Variants in NELL2 observed in about 807,000 individuals in gnomAD.
NELL2 encodes the protein neural EGFL like 2.
In NELL2, 41 loss-of-function variants were observed where a neutral mutation model predicts 109.6. The ratio of observed to expected loss-of-function variants is 0.37; its 90% CI spans 0.29 to 0.49. NELL2 has a LOEUF of 0.49. Among genes scored for constraint, NELL2 ranks in the 20% least tolerant of loss-of-function variants. The pLI is 0.98. For synonymous variants in NELL2, 355 were observed against 344.7 expected (o/e 1.03, Z -0.33); for missense variants, 900 against 1,008.3 (o/e 0.89, Z 1.45).
At chr12:44,561,999 C>T (rs144537776) in intron 15 of NELL2, among the ~76,000 whole-genome samples, 2 of 152,060 alleles carry the variant, frequency 1.3e-5, no homozygotes, top group East Asian at 3.9e-4. Flanking sequence ...AGAACAGAGG[C>T]CTCAGAAATA....
chr12:44,716,320 A>G (rs774514474), intron 9 of NELL2, among the ~76,000 whole-genome samples: 2 of 152,178 alleles, frequency 1.3e-5, no homozygotes, highest in Non-Finnish European at 2.9e-5. Flanking sequence ...TACATAATGC[A>G]TATCTCCTAG....
Position 44,665,603 on chromosome 12 carries a change from T to A in NELL2, c.1325A>T (p.Asp442Val), listed in dbSNP as rs1383791289. 1 of 1,612,170 alleles carries A rather than the reference T, an allele frequency of 6.2e-7. No individual in the cohort carries two copies. The highest frequency in any genetic ancestry group is 8.5e-7 in the Non-Finnish European group (1 of 1,178,914). The change falls in exon 13 of 20, where the codon GAT becomes GTT. Residue 442 changes from aspartate (D) to valine (V), a missense_variant. Physicochemically the swap from Asp to Val is radical, Grantham distance 152. Coordinates refer to ENST00000429094, the MANE Select transcript of NELL2 (RefSeq NM_001145108.2). ...REDNAYCEDI[D>V]ECAEGRHYCR... ...GTAATGGCGCCCTTCAGCACACTCA[T>A]CGATGTCTGTGAAGAAAAACAGGAC... is the stretch of plus-strand genomic sequence containing the variant.
intron 15 of NELL2, among the ~76,000 whole-genome samples, chr12:44,561,644 A>T (rs1943471299): frequency 6.6e-6 from 1 of 152,216 alleles, no homozygotes. Context: ...GGAGAACTAC[A>T]AACCACTGCT....
chr12:44,818,118 C>T (rs918625636), intron 2 of NELL2, among the ~76,000 whole-genome samples: 7 of 152,214 alleles, frequency 4.6e-5, no homozygotes, highest in African/African-American at 1.7e-4. Context: ...AGTTTCTCTC[C>T]AGGCTCTATT....
intron 12 of NELL2, among the ~76,000 whole-genome samples, chr12:44,698,044 G>A (rs1313396080): frequency 5.3e-5 from 8 of 152,252 alleles, no homozygotes; most frequent in Non-Finnish European, 1.5e-5. Flanking sequence ...ATGTTCACCT[G>A]ATAACTTCAT....
chr12:44,566,973 G>A (rs1174021117), intron 15 of NELL2, among the ~76,000 whole-genome samples: 1 of 151,926 alleles, frequency 6.6e-6, no homozygotes, highest in East Asian at 1.9e-4. Flanking sequence ...CACCAGGCCC[G>A]GCTAATTTTT....
At chr12:44,577,730 G>A (rs189286833) in intron 15 of NELL2, among the ~76,000 whole-genome samples, 93 of 151,940 alleles carry the variant, frequency 6.1e-4, no homozygotes, top group Admixed American at 2.6e-3. Context: ...CGCCCACCTC[G>A]GCCTCCCAGA....
chr12:44,747,412 C>T (rs958407276), intron 9 of NELL2, among the ~76,000 whole-genome samples: 1 of 151,878 alleles, frequency 6.6e-6, no homozygotes, highest in African/African-American at 2.4e-5. Context: ...AACAAACCTG[C>T]ACGTTGTGCA....
At chr12:44,867,994 C>T (rs1412550390) in intron 2 of NELL2, among the ~76,000 whole-genome samples, 2 of 151,624 alleles carry the variant, frequency 1.3e-5, no homozygotes. Flanking sequence ...GTGACGGGTG[C>T]CTGTAATCTC....
intron 2 of NELL2, among the ~76,000 whole-genome samples, chr12:44,828,043 T>C (rs1035088705): frequency 4.6e-5 from 7 of 152,232 alleles, no homozygotes; most frequent in Admixed American, 4.6e-4. Flanking sequence ...TAGTTTTGAT[T>C]TGCAGTTCTC....
rs369791380 is a variant in NELL2 at position 44,840,562 on chromosome 12, G to A, written c.185-24426C>T. Among the ~76,000 whole-genome samples, 64 of 152,102 alleles carry A rather than the reference G, an allele frequency of 4.2e-4. No individual in the cohort carries two copies. In the East Asian group the frequency reaches 7.7e-3, roughly 18 times the overall value. On this transcript the variant is annotated intron_variant, in intron 2 of 19. Coordinates refer to ENST00000429094, the MANE Select transcript of NELL2 (RefSeq NM_001145108.2). ...TGAGGCAGGAGAATGGTGAGAACCCGGGAGGCGGAGCTTGCAGTGAGCAGA... is the reference window on the plus strand; with the variant it reads ...TGAGGCAGGAGAATGGTGAGAACCCAGGAGGCGGAGCTTGCAGTGAGCAGA...
At chr12:44,628,755 CA>C (rs1335215252) in intron 13 of NELL2, among the ~76,000 whole-genome samples, 1 of 152,062 alleles carries the variant, frequency 6.6e-6, no homozygotes, top group Non-Finnish European at 1.5e-5. Flanking sequence ...CCCCACCCGC[CA>C]GATGGTAGAC....
chr12:44,802,799 T>C lies in NELL2; in HGVS notation c.335+13187A>G, dbSNP rs865871225. Among the ~76,000 whole-genome samples, 4 of 152,214 alleles carry C rather than the reference T, an allele frequency of 2.6e-5. No homozygotes were observed. In the East Asian group the frequency reaches 5.8e-4, roughly 22 times the overall value. ...ATAAGAGTAAGAGTAAAAACAAGTGTCAATTTTCAATTTTATCATTTTATC... is the reference window on the plus strand; with the variant it reads ...ATAAGAGTAAGAGTAAAAACAAGTGCCAATTTTCAATTTTATCATTTTATC... On this transcript the variant is annotated intron_variant, in intron 3 of 19. Coordinates refer to ENST00000429094, the MANE Select transcript of NELL2 (RefSeq NM_001145108.2).
At chr12:44,906,231 C>T (rs571957475) in intron 1 of NELL2, among the ~76,000 whole-genome samples, 2 of 151,968 alleles carry the variant, frequency 1.3e-5, no homozygotes, top group South Asian at 4.2e-4. Context: ...CACAAGGAAG[C>T]AGTATGCCTG....
At chr12:44,804,074 T>A (rs1215949026) in intron 3 of NELL2, among the ~76,000 whole-genome samples, 1 of 151,964 alleles carries the variant, frequency 6.6e-6, no homozygotes, top group African/African-American at 2.4e-5. Context: ...GCTCAGACTA[T>A]TTCTACTGGC....
chr12:44,681,050 TTTTA>T (rs1461373514), intron 12 of NELL2, among the ~76,000 whole-genome samples: 11 of 151,574 alleles, frequency 7.3e-5, no homozygotes, highest in East Asian at 1.9e-4. Flanking sequence ...TTTATTTTTA[TTTTA>T]TTTATTTTTT....
intron 13 of NELL2, among the ~76,000 whole-genome samples, chr12:44,626,963 G>T (rs928701477): frequency 1.3e-5 from 2 of 151,994 alleles, no homozygotes; most frequent in Non-Finnish European, 2.9e-5. Flanking sequence ...TTTATTTTTT[G>T]TTTTCCTTCC....
At chr12:44,780,438 C>A (rs965069625) in intron 3 of NELL2, among the ~76,000 whole-genome samples, 4 of 151,850 alleles carry the variant, frequency 2.6e-5, no homozygotes, top group Non-Finnish European at 5.9e-5. Flanking sequence ...AAAAAACTGG[C>A]CCCATCCCAA....
intron 15 of NELL2, among the ~76,000 whole-genome samples, chr12:44,579,297 A>T (rs1034517729): frequency 6.6e-6 from 1 of 152,200 alleles, no homozygotes; most frequent in Non-Finnish European, 1.5e-5. Flanking sequence ...CAGGTATACC[A>T]GGGGGCTAAT....
Sources: gnomAD v4.1 joint callset for allele counts (sites outside exome capture counted in the v4.1 genomes callset) on GRCh38, gnomAD v4.1.1 for gene constraint, MANE v1.5 for transcripts, NCBI Gene and HGNC (gene_info 2026-07-23, HGNC 2026-07-21) for gene names.